NLRP12: variants seen among roughly 807,000 people sequenced by gnomAD.
The protein encoded by NLRP12 is NLR family pyrin domain containing 12.
In NLRP12, 108 loss-of-function variants were observed where a neutral mutation model predicts 91.2. That is an observed-to-expected ratio of 1.18 (90% CI 1.01 to 1.39). The LOEUF is 1.39. Among genes scored for constraint, NLRP12 ranks in the 40% most tolerant of loss-of-function variants. NLRP12 has a pLI of 0.00. For missense variants in NLRP12, 1,530 were observed against 1,352.7 expected (o/e 1.13, Z -2.06); for synonymous variants, 613 against 566.7 (o/e 1.08, Z -1.16).
In NLRP12 at chr19:53,798,238, C is replaced by G. The variant is rs900182124; in HGVS notation, c.2927+5G>C. On this transcript the variant is annotated splice_donor_5th_base_variant and intron_variant, in intron 8 of 9. Coordinates refer to ENST00000324134, the MANE Select transcript of NLRP12 (RefSeq NM_144687.4). ...ACTGCCACCCCGTCACTCCCCGATG[C>G]TCACCACAGTTTCTGGAGTCTGCAG... The G allele has an allele frequency of 1.7e-5, 28 of 1,614,152 alleles. No homozygotes were observed. Among genetic ancestry groups the G allele is most frequent in the Non-Finnish European group, 2.4e-5 (28 of 1,180,012 alleles).
intron 4 of NLRP12, among the ~76,000 whole-genome samples, chr19:53,806,555 C>G (rs913293261): frequency 6.7e-6 from 1 of 149,132 alleles, no homozygotes; most frequent in East Asian, 2.0e-4. Context: ...GTGGCACCTG[C>G]CTGTAGTCCC....
chr19:53,811,058 CAA>C lies in NLRP12; in HGVS notation c.599_600del (p.Phe200Ter). ...QASPIKIETL[F>X]EPDEERPEPP... ...GGCTCGGGGCGCTCCTCGTCTGGCTCAAAGAGGGTCTCTATCTTGATGGGGCT... is the reference window on the plus strand; with the variant it reads ...GGCTCGGGGCGCTCCTCGTCTGGCTCAGAGGGTCTCTATCTTGATGGGGCT... On this transcript the variant is annotated frameshift_variant, in exon 3 of 10. Transcript: ENST00000324134. LOFTEE classifies it high-confidence loss of function. 6.2e-7 allele frequency: 1 copy of C among 1,612,660 alleles called. No homozygotes were observed. The highest frequency in any genetic ancestry group is 8.5e-7 in the Non-Finnish European group (1 of 1,178,846).
chr19:53,803,932 TGACCCC>T lies in NLRP12; in HGVS notation c.2585+14_2585+19del. ...AAGAGATTTGCCATTTTATTATAGT[TGACCCC>T]AGGAAGAACTCACCACAAAGTCCGT... On this transcript the variant is annotated intron_variant, in intron 6 of 9. Transcript: ENST00000324134. The T allele has an allele frequency of 6.2e-7, 1 of 1,611,738 alleles. No homozygotes were observed.
At position 53,821,037 on chromosome 19, in the gene NLRP12, T is replaced by C. The variant is rs1271264172; in HGVS notation, c.289+2849A>G. On this transcript the variant is annotated intron_variant, in intron 1 of 9. Coordinates refer to ENST00000324134, the MANE Select transcript of NLRP12 (RefSeq NM_144687.4). ...AGTATAAATCATATTTTTTCTTTTT[T>C]TTTTTTTTTTTTTTTTGAGACAGAG... Among the ~76,000 whole-genome samples the C allele has an allele frequency of 4.9e-3, 643 of 129,994 alleles. 7 individuals carry two copies. Among genetic ancestry groups the C allele is most frequent in the African/African-American group, 0.018 (593 of 33,740 alleles). 85.3% of individuals were successfully genotyped at this position (129,994 alleles called of 152,430 possible). A position where few individuals can be genotyped will look rare whatever the true frequency, so the allele number is the denominator to read the frequency against.
In NLRP12 at chr19:53,811,208, C is replaced by T. The variant is rs777944221; in HGVS notation, c.451G>A (p.Val151Ile). The change falls in exon 3 of 10, where the codon GTC becomes ATC. Residue 151 changes from valine to isoleucine, a missense_variant. Transcript: ENST00000324134. ...CGGGTGTACCGGTGGCTGAGGTTGA[C>T]ACATTCCCCTAGGCGCGCATTGCGG... Reference protein sequence around the residue: ...EDRNARLGECVNLSHRYTRLL... With the variant: ...EDRNARLGECINLSHRYTRLL... 5 of 1,614,152 alleles carry T rather than the reference C, an allele frequency of 3.1e-6. No homozygotes were observed. In the South Asian group the frequency reaches 5.5e-5, roughly 18 times the overall value.
chr19:53,805,385 T>C lies in NLRP12; in HGVS notation c.2309A>G (p.Lys770Arg). 1 of 1,614,108 alleles carries C rather than the reference T, an allele frequency of 6.2e-7. No individual in the cohort carries two copies. The highest frequency in any genetic ancestry group is 8.5e-7 in the Non-Finnish European group (1 of 1,180,014). ...ACTGAGATCCATCCTTGTCAAATTCTTATTGGCTATGAGAGCTGCAGAGAG... is the reference window on the plus strand; with the variant it reads ...ACTGAGATCCATCCTTGTCAAATTCCTATTGGCTATGAGAGCTGCAGAGAG... ...EDLSAALIAN[K>R]NLTRMDLSGN... Residue 770 changes from lysine (K) to arginine (R), a missense_variant, in exon 5 of 10, where the codon AAG (lysine) becomes AGG (arginine). Coordinates refer to ENST00000324134, the MANE Select transcript of NLRP12 (RefSeq NM_144687.4).
intron 7 of NLRP12, among the ~76,000 whole-genome samples, chr19:53,799,634 C>CGG (rs2091834167): frequency 3.3e-5 from 5 of 152,006 alleles, no homozygotes; most frequent in African/African-American, 1.2e-4. Context: ...AGGCGTCCGC[C>CGG]ACCATGCCTG....
chr19:53,796,257 TTTTG>T, intron 8 of NLRP12: 1 of 501,310 alleles, frequency 2.0e-6, no homozygotes, highest in Non-Finnish European at 3.7e-6. Flanking sequence ...ATCCTTTTAT[TTTTG>T]TTTTGTTTGA....
Position 53,824,262 on chromosome 19 carries a change from T to C in NLRP12, c.-88A>G. The C allele has an allele frequency of 7.4e-7, 1 of 1,354,982 alleles. No homozygotes were observed. Among genetic ancestry groups the C allele is most frequent in the Non-Finnish European group, 1.0e-6 (1 of 961,706 alleles). 83.9% of individuals were successfully genotyped at this position (1,354,982 alleles called of 1,614,324 possible). ...CAGGGCGACCCCAGCACACCTTCCATTGCATCATTCACAGGCAGCGGGCGG... is the reference window on the plus strand; with the variant it reads ...CAGGGCGACCCCAGCACACCTTCCACTGCATCATTCACAGGCAGCGGGCGG... On this transcript the variant is annotated 5_prime_UTR_variant, in exon 1 of 10. An upstream start codon of the reference 5' UTR is lost. Transcript: ENST00000324134.
intron 1 of NLRP12, among the ~76,000 whole-genome samples, chr19:53,817,014 G>C (rs1207449914): frequency 0.019 from 2 of 108 alleles, no homozygotes; most frequent in Non-Finnish European, 0.037. Flanking sequence ...AAGAGGGCCA[G>C]GGCGCGGTGG....
chr19:53,819,043 G>A (rs1251248309), intron 1 of NLRP12, among the ~76,000 whole-genome samples: 3 of 152,110 alleles, frequency 2.0e-5, no homozygotes, highest in South Asian at 2.1e-4. Flanking sequence ...TAGACTAAAC[G>A]GATGCAGTCC....
upstream of NLRP12, chr19:53,824,339 C>T: frequency 1.5e-6 from 1 of 676,712 alleles, no homozygotes; most frequent in Non-Finnish European, 2.6e-6. Flanking sequence ...AGACCTTTTG[C>T]TGAAATAATG....
At chr19:53,811,798 C>G (rs2092081286) in intron 2 of NLRP12, among the ~76,000 whole-genome samples, 1 of 151,950 alleles carries the variant, frequency 6.6e-6, no homozygotes, top group Non-Finnish European at 1.5e-5. Flanking sequence ...ATCTCTTGAC[C>G]TCATGATCTG....
intron 1 of NLRP12, among the ~76,000 whole-genome samples, chr19:53,822,987 C>T (rs1314304742): frequency 2.0e-5 from 3 of 151,296 alleles, no homozygotes; most frequent in Non-Finnish European, 4.4e-5. Flanking sequence ...AGACTGATCT[C>T]GAATTCCTGA....
chr19:53,822,251 TATAG>T (rs1427312529), intron 1 of NLRP12, among the ~76,000 whole-genome samples: 5 of 152,128 alleles, frequency 3.3e-5, no homozygotes, highest in African/African-American at 1.2e-4. Context: ...GAAATTTTTA[TATAG>T]ATATAGATGT....
chr19:53,801,510 G>A, intron 6 of NLRP12, 113 bp from the exon 7 acceptor site: 2 of 1,412,078 alleles, frequency 1.4e-6, no homozygotes, highest in Non-Finnish European at 1.9e-6. Flanking sequence ...GGAATGCAGT[G>A]GTGCAATCTC....
In NLRP12 at chr19:53,803,218, G is replaced by A. The variant is rs1373173485; in HGVS notation, c.2585+734C>T. ...TTTTTTGAGACGGAGTTTCGTTTTT[G>A]TTGTCCAGGCTGGAGTGCAATGACA... On this transcript the variant is annotated intron_variant, in intron 6 of 9. Transcript: ENST00000324134. 2.7e-5 allele frequency among the ~76,000 whole-genome samples: 4 copies of A among 150,484 alleles called. No homozygotes were observed. In the East Asian group the frequency reaches 5.9e-4, roughly 22 times the overall value.
intron 8 of NLRP12, 24 bp downstream of exon 8, chr19:53,798,219 A>AC: frequency 6.2e-7 from 1 of 1,613,840 alleles, no homozygotes; most frequent in South Asian, 1.1e-5. Flanking sequence ...GACCACTGCC[A>AC]CCCCGTCACT....
rs2092304178 is a variant in NLRP12, at chr19:53,823,787, T to TGAG, written c.289+98_289+99insCTC. Reference sequence around the variant, plus strand: ...CTGGTCTTGAACTCCTCACCTCAAGTGATCTGCCCTCTTCAGCCTCCCAAA... The same window carrying TGAG: ...CTGGTCTTGAACTCCTCACCTCAAGTGAGGATCTGCCCTCTTCAGCCTCCCAAA... On this transcript the variant is annotated intron_variant, in intron 1 of 9. Coordinates refer to ENST00000324134, the MANE Select transcript of NLRP12 (RefSeq NM_144687.4). The TGAG allele has an allele frequency of 2.0e-5, 27 of 1,348,348 alleles. No homozygotes were observed. In the South Asian group the frequency reaches 3.2e-4, roughly 16 times the overall value. The allele number at this position is 1,348,348 out of a possible 1,614,324, so 83.5% of individuals were successfully genotyped here. A position where few individuals can be genotyped will look rare whatever the true frequency, so the allele number is the denominator to read the frequency against.
Sources: allele counts gnomAD v4.1 joint callset (sites outside exome capture counted in the v4.1 genomes callset), GRCh38; gene constraint gnomAD v4.1.1; transcripts MANE v1.5; gene names NCBI Gene and HGNC (gene_info 2026-07-23, HGNC 2026-07-21).